BOP1: variants seen among roughly 807,000 people sequenced by gnomAD.
BOP1 encodes the protein ribosome biogenesis protein BOP1.
Under a neutral mutation model 82.9 loss-of-function variants are expected in BOP1, and 54 were observed. The ratio of observed to expected loss-of-function variants is 0.65; its 90% CI spans 0.52 to 0.82. The LOEUF (loss-of-function observed/expected upper bound fraction) is 0.82. BOP1 is among the 40% of genes least tolerant of loss of function. The pLI, the probability that BOP1 is intolerant of heterozygous loss-of-function variation, is 0.00. For missense variants in BOP1, 1,170 were observed against 1,072.0 expected, an observed-to-expected ratio of 1.09 and a Z score of -1.28; for synonymous variants, 566 against 451.1, an observed-to-expected ratio of 1.25 and a Z score of -3.23.
intron 2 of BOP1, among the ~76,000 whole-genome samples, chr8:144,279,646 T>A (rs587666304): frequency 6.6e-6 from 1 of 152,268 alleles, no homozygotes; most frequent in South Asian, 2.1e-4. Flanking sequence ...AAACCTTTGA[T>A]TTTCATCGCA....
At position 144,262,834 on chromosome 8, in the gene BOP1, C is replaced by T. The variant is rs1845253766; in HGVS notation, c.1894+19G>A. On this transcript the variant is annotated intron_variant, in intron 13 of 15. Transcript: ENST00000569669. Reference sequence around the variant, plus strand: ...CCCCCCACCCCTCACCTGCAGGGTGCACCGCCCCCACCCCTCACCTGCAGG... The same window carrying T: ...CCCCCCACCCCTCACCTGCAGGGTGTACCGCCCCCACCCCTCACCTGCAGG... The T allele has an allele frequency of 1.3e-6, 1 of 774,234 alleles. No individual in the cohort carries two copies. The highest frequency in any genetic ancestry group is 1.8e-6 in the Non-Finnish European group (1 of 541,330). 48.0% of individuals were successfully genotyped at this position (774,234 alleles called of 1,614,324 possible).
intron 3 of BOP1, among the ~76,000 whole-genome samples, chr8:144,273,756 T>G (rs971788124): frequency 6.6e-5 from 10 of 151,292 alleles, no homozygotes; most frequent in Admixed American, 5.9e-4. Flanking sequence ...GAGGTGGCCA[T>G]GCGGGGGCGG....
At chr8:144,270,259 C>T (rs1458775192) in intron 3 of BOP1, among the ~76,000 whole-genome samples, 1 of 152,086 alleles carries the variant, frequency 6.6e-6, no homozygotes, top group Non-Finnish European at 1.5e-5. Context: ...AAGGTGCGGG[C>T]CAGCATGGGG....
chr8:144,269,987 G>A (rs1447820466), intron 3 of BOP1, among the ~76,000 whole-genome samples: 1 of 152,268 alleles, frequency 6.6e-6, no homozygotes, highest in African/African-American at 2.4e-5. Flanking sequence ...AGGGTCCATA[G>A]CCCACCTACC....
rs933163282 is a variant in BOP1 at position 144,263,599 on chromosome 8, C to A, written c.1303G>T (p.Gly435Cys). Residue 435 changes from glycine to cysteine, a missense_variant, in exon 11 of 16, where the codon GGC (glycine) becomes TGC (cysteine). Transcript: ENST00000569669. ...GCCACCTCCCAGAGCCGCAGGGAGC[C>A]GTCGTCAGAGCCTGGATGCGGCAGA... ...GQWLVSGSDD[G>C]SLRLWEVATA... 1 of 1,606,868 alleles carries A rather than the reference C, an allele frequency of 6.2e-7. No individual in the cohort carries two copies. The highest frequency in any genetic ancestry group is 1.7e-5 in the Admixed American group (1 of 59,976).
chr8:144,262,635 C>T lies in BOP1; in HGVS notation c.1932G>A (p.Leu644=). Residue 644 remains leucine, a synonymous_variant, in exon 14 of 16, where the codon CTG becomes CTA. Coordinates refer to ENST00000569669, the MANE Select transcript of BOP1 (RefSeq NM_015201.5). ...TGGAAAGATCCAGGTCAAACCACAC[C>T]AGCTTGCTATCGTAGCTCCCACAGA... ...NVICGSYDSK[L]VWFDLDLSTK... is the part of the protein sequence containing the mutation. 1.2e-6 allele frequency: 2 copies of T among 1,613,448 alleles called. No individual in the cohort carries two copies. Among genetic ancestry groups the T allele is most frequent in the Non-Finnish European group, 8.5e-7 (1 of 1,179,814 alleles).
chr8:144,279,734 G>T (rs587602104), intron 2 of BOP1, among the ~76,000 whole-genome samples: 104 of 152,328 alleles, frequency 6.8e-4, no homozygotes, highest in African/African-American at 2.4e-3. Context: ...AAGGGAGGCA[G>T]CCCACACTGA....
In BOP1 at chr8:144,283,829, C is replaced by G. The variant is rs930627323; in HGVS notation, c.309+5266G>C. Among the ~76,000 whole-genome samples, 3 of 152,174 alleles carry G rather than the reference C, an allele frequency of 2.0e-5. No individual in the cohort carries two copies. The East Asian group carries it at 5.8e-4, about 29-fold the overall frequency. On this transcript the variant is annotated intron_variant, in intron 2 of 15. Coordinates refer to ENST00000569669, the MANE Select transcript of BOP1 (RefSeq NM_015201.5). ...CTCCAAGCACCTTCACAATTAAATG[C>G]ATTGATGGCCAGGTGCGGCGGCTCA...
chr8:144,270,500 G>A (rs1845475022), intron 3 of BOP1, among the ~76,000 whole-genome samples: 1 of 152,166 alleles, frequency 6.6e-6, no homozygotes, highest in Admixed American at 6.5e-5. Flanking sequence ...AGCTTGGCCA[G>A]CCTCAGGCCT....
At chr8:144,276,693 G>T (rs913920620) in intron 2 of BOP1, among the ~76,000 whole-genome samples, 1 of 152,226 alleles carries the variant, frequency 6.6e-6, no homozygotes, top group African/African-American at 2.4e-5. Flanking sequence ...CCTCCCAGGG[G>T]CCCCACATGG....
At chr8:144,275,332 G>A (rs1588598709) in intron 3 of BOP1, among the ~76,000 whole-genome samples, 1 of 152,186 alleles carries the variant, frequency 6.6e-6, no homozygotes, top group African/African-American at 2.4e-5. Context: ...CACTGCCTCT[G>A]GCTTCAGAGC....
At chr8:144,289,724 C>A (rs1439291549) in intron 1 of BOP1, among the ~76,000 whole-genome samples, 1 of 152,184 alleles carries the variant, frequency 6.6e-6, no homozygotes, top group East Asian at 1.9e-4. Flanking sequence ...CCACACCTCA[C>A]CCTGGCATCC....
At chr8:144,265,453 CG>C in intron 3 of BOP1, 1 of 321,068 alleles carries the variant, frequency 3.1e-6, no homozygotes. Context: ...AGCTATAAGA[CG>C]GGGACTCGGG....
intron 3 of BOP1, chr8:144,266,870 A>G (rs2130209729): frequency 1.4e-6 from 2 of 1,473,552 alleles, no homozygotes; most frequent in East Asian, 3.0e-5. Context: ...CGCGAGCGAG[A>G]CCGCACCAAC....
At chr8:144,267,279 C>T (rs933670124) in intron 3 of BOP1, 18 of 1,336,788 alleles carry the variant, frequency 1.3e-5, no homozygotes, top group Non-Finnish European at 1.7e-5. Flanking sequence ...CAGGGCTCCC[C>T]AACAGGGCAC....
Position 144,262,866 on chromosome 8 carries a change from C to A in BOP1, c.1881G>T (p.Ala627=). The A allele has an allele frequency of 7.4e-7, 1 of 1,352,528 alleles. No individual in the cohort carries two copies. Among genetic ancestry groups the A allele is most frequent in the Non-Finnish European group, 9.7e-7 (1 of 1,031,706 alleles). 83.8% of individuals were successfully genotyped at this position (1,352,528 alleles called of 1,614,324 possible). The part of the protein sequence containing the change: ...MPNCKWVSSL[A]VHPAGDNVIC... ...CCCACCCCTCACCTGCAGGGTGCAC[C>A]GCCAGGCTGGACACCCACTTGCAGT... Residue 627 remains alanine (A), a synonymous_variant, in exon 13 of 16, where the codon GCG becomes GCT. Transcript: ENST00000569669.
chr8:144,269,730 G>A (rs1029120759), intron 3 of BOP1, among the ~76,000 whole-genome samples: 2 of 152,200 alleles, frequency 1.3e-5, no homozygotes, highest in African/African-American at 2.4e-5. Flanking sequence ...AGAAGCCTCC[G>A]CCCGCCGGGA....
intron 2 of BOP1, among the ~76,000 whole-genome samples, chr8:144,288,271 G>GA (rs782356129): frequency 3.0e-3 from 274 of 91,710 alleles, no homozygotes; most frequent in Middle Eastern, 8.8e-3. Flanking sequence ...CTCTGTCTTA[G>GA]AAAAAAAAAA....
Position 144,263,292 on chromosome 8 carries a change from G to A in BOP1, c.1534C>T (p.Pro512Ser), listed in dbSNP as rs782213286. The A allele has an allele frequency of 1.1e-4, 178 of 1,594,068 alleles. 4 individuals carry two copies. The South Asian group carries it at 1.9e-3, about 17-fold the overall frequency. The change falls in exon 12 of 16, where the codon CCG (proline) becomes TCG (serine). Residue 512 changes from proline to serine, a missense_variant. Physicochemically the swap from Pro to Ser is moderately conservative, Grantham distance 74. Coordinates refer to ENST00000569669, the MANE Select transcript of BOP1 (RefSeq NM_015201.5). The part of the protein sequence containing the change: ...FVPPEEPPLQ[P>S]ARWLEASEEE... ...TCTGAGGCCTCCAGCCAGCGGGCCGGCTGCAAGGGGGGCTCCTCAGGCGGG... is the reference window on the plus strand; with the variant it reads ...TCTGAGGCCTCCAGCCAGCGGGCCGACTGCAAGGGGGGCTCCTCAGGCGGG...
Sources: gnomAD v4.1 joint callset for allele counts (sites outside exome capture counted in the v4.1 genomes callset) on GRCh38, gnomAD v4.1.1 for gene constraint, MANE v1.5 for transcripts, NCBI Gene and HGNC (gene_info 2026-07-23, HGNC 2026-07-21) for gene names.